Variants in RAB3C observed in about 807,000 individuals in gnomAD.
RAB3C encodes the protein ras-related protein Rab-3C.
In RAB3C, 17 loss-of-function variants were observed where a neutral mutation model predicts 26.4. The ratio of observed to expected loss-of-function variants is 0.64; its 90% confidence interval spans 0.44 to 0.97. The LOEUF (loss-of-function observed/expected upper bound fraction) is 0.97, where lower values mean the gene tolerates loss of function less well. Among genes scored for constraint, RAB3C ranks in the 50% least tolerant of loss-of-function variants. The pLI, the probability that RAB3C is intolerant of heterozygous loss-of-function variation, is 0.00. For missense variants in RAB3C, 242 were observed against 281.9 expected, an observed-to-expected ratio of 0.86 and a Z score of 1.01; for synonymous variants, 91 against 95.9, an observed-to-expected ratio of 0.95 and a Z score of 0.30.
intron 3 of RAB3C, among the ~76,000 whole-genome samples, chr5:58,807,834 A>C (rs1742977556): frequency 6.6e-6 from 1 of 152,174 alleles, no homozygotes; most frequent in Admixed American, 6.5e-5. Flanking sequence ...ATAAAAAAAA[A>C]AATTTAAGAA....
intron 3 of RAB3C, among the ~76,000 whole-genome samples, chr5:58,754,584 G>A (rs1036624356): frequency 1.3e-5 from 2 of 152,064 alleles, no homozygotes; most frequent in African/African-American, 4.8e-5. Flanking sequence ...CTGAAAGTGC[G>A]AATTACCCAG....
At position 58,716,046 on chromosome 5, in the gene RAB3C, GA is replaced by G. The variant is rs796718425; in HGVS notation, c.253-9948del. Among the ~76,000 whole-genome samples, 76 of 136,162 alleles carry G rather than the reference GA, an allele frequency of 5.6e-4. No homozygotes were observed. The South Asian group carries it at 9.1e-3, about 16-fold the overall frequency. 89.3% of individuals were successfully genotyped at this position (136,162 alleles called of 152,430 possible). A position where few individuals can be genotyped will look rare whatever the true frequency, so the allele number is the denominator to read the frequency against. ...AAGTACAATAAAAAAAAAAGAAAAG[GA>G]AAAAAAATAATAAATAAATAAATAC... On this transcript the variant is annotated intron_variant, in intron 2 of 4. Coordinates refer to ENST00000282878, the MANE Select transcript of RAB3C (RefSeq NM_138453.4).
At chr5:58,634,310 C>T (rs1189673044) in intron 2 of RAB3C, among the ~76,000 whole-genome samples, 1 of 152,122 alleles carries the variant, frequency 6.6e-6, no homozygotes, top group East Asian at 1.9e-4. Flanking sequence ...AATAAGATCA[C>T]TTGGGAGAAC....
At chr5:58,747,031 C>G (rs1032529309) in intron 3 of RAB3C, among the ~76,000 whole-genome samples, 1 of 152,184 alleles carries the variant, frequency 6.6e-6, no homozygotes, top group African/African-American at 2.4e-5. Flanking sequence ...TTTAAGTTCT[C>G]TCATTCCTCT....
intron 2 of RAB3C, among the ~76,000 whole-genome samples, chr5:58,692,358 G>A (rs1579860759): frequency 6.6e-6 from 1 of 151,682 alleles, no homozygotes; most frequent in Non-Finnish European, 1.5e-5. Flanking sequence ...ATAATGTTCA[G>A]AAAAAAAAGA....
rs57733643 is a variant in RAB3C, at chr5:58,851,738, T to TTGTGTGTGTGTG, written c.*404_*415dup. ...GTAGGAATGATGACCAAGGAATTGC[T>TTGTGTGTGTGTG]TGTGTGTGTGTGTGTGTGTGTGTGT... On this transcript the variant is annotated 3_prime_UTR_variant, in exon 5 of 5. Coordinates refer to ENST00000282878, the MANE Select transcript of RAB3C (RefSeq NM_138453.4). 6.6e-6 allele frequency: 1 copy of TTGTGTGTGTGTG among 152,416 alleles called. No homozygotes were observed. 9.4% of individuals were successfully genotyped at this position (152,416 alleles called of 1,614,324 possible).
chr5:58,746,663 G>C (rs895972999), intron 3 of RAB3C, among the ~76,000 whole-genome samples: 1 of 152,110 alleles, frequency 6.6e-6, no homozygotes, highest in African/African-American at 2.4e-5. Flanking sequence ...TTTATTTCAT[G>C]CTACTGCTGC....
chr5:58,792,839 G>T (rs1242970907), intron 3 of RAB3C, among the ~76,000 whole-genome samples: 1 of 151,642 alleles, frequency 6.6e-6, no homozygotes, highest in Non-Finnish European at 1.5e-5. Flanking sequence ...TTTAATAAAA[G>T]ATTTATATAT....
intron 3 of RAB3C, among the ~76,000 whole-genome samples, chr5:58,761,061 T>TCACACACACACACACACACACACA (rs769194224): frequency 1.7e-4 from 21 of 126,440 alleles, no homozygotes; most frequent in African/African-American, 5.7e-4. Flanking sequence ...TCTCTCTCTC[T>TCACACACACACACACACACACACA]CTCACACACA....
intron 3 of RAB3C, among the ~76,000 whole-genome samples, chr5:58,739,075 T>TTAAAGCCC (rs1201206799): frequency 6.6e-6 from 1 of 152,228 alleles, no homozygotes; most frequent in African/African-American, 2.4e-5. Flanking sequence ...TTATTCTGTT[T>TTAAAGCCC]AGAAAACAGA....
chr5:58,762,862 C>T (rs116009573), intron 3 of RAB3C, among the ~76,000 whole-genome samples: 2,124 of 152,002 alleles, frequency 0.014, 37 homozygotes, highest in African/African-American at 0.049. Context: ...AGATAATTTT[C>T]GGAAAAAGGT....
chr5:58,666,927 TA>T (rs1348291622), intron 2 of RAB3C, among the ~76,000 whole-genome samples: 1 of 152,194 alleles, frequency 6.6e-6, no homozygotes, highest in African/African-American at 2.4e-5. Flanking sequence ...AAATTTCTTT[TA>T]TTGCATCTGA....
At chr5:58,834,945 C>T (rs1389344970) in intron 4 of RAB3C, among the ~76,000 whole-genome samples, 1 of 152,172 alleles carries the variant, frequency 6.6e-6, no homozygotes, top group Non-Finnish European at 1.5e-5. Flanking sequence ...CAGAAACTGT[C>T]TGTTCCTTAT....
chr5:58,703,290 T>A (rs1016349729), intron 2 of RAB3C, among the ~76,000 whole-genome samples: 2 of 152,076 alleles, frequency 1.3e-5, no homozygotes, highest in Admixed American at 6.6e-5. Flanking sequence ...TCAAGCGATT[T>A]TCCTGCTTCA....
rs150682263 is a variant in RAB3C at position 58,812,264 on chromosome 5, T to A, written c.372-12774T>A. 3.6e-3 allele frequency among the ~76,000 whole-genome samples: 553 copies of A among 152,172 alleles called. 2 individuals carry two copies. The highest frequency in any genetic ancestry group is 0.013 in the African/African-American group (524 of 41,518). On this transcript the variant is annotated intron_variant, in intron 3 of 4. Transcript: ENST00000282878. ...TCATAAAAGGGGGTGGAAAGAGTTGTATAAGCCTTCACTCCCACCTCTCCA... is the reference window on the plus strand; with the variant it reads ...TCATAAAAGGGGGTGGAAAGAGTTGAATAAGCCTTCACTCCCACCTCTCCA...
At chr5:58,724,948 G>T (rs971854472) in intron 2 of RAB3C, among the ~76,000 whole-genome samples, 1 of 151,826 alleles carries the variant, frequency 6.6e-6, no homozygotes, top group African/African-American at 2.4e-5. Flanking sequence ...TGTCTTTTGG[G>T]CTTCATACTA....
chr5:58,719,251 T>C (rs566429439), intron 2 of RAB3C, among the ~76,000 whole-genome samples: 1 of 152,160 alleles, frequency 6.6e-6, no homozygotes, highest in East Asian at 1.9e-4. Context: ...AGATATCTAG[T>C]TTTTAAAGTA....
chr5:58,732,880 C>T (rs1251935220), intron 3 of RAB3C, among the ~76,000 whole-genome samples: 2 of 152,160 alleles, frequency 1.3e-5, no homozygotes, highest in Non-Finnish European at 1.5e-5. Context: ...TCTCATACCT[C>T]TGGGTCTCTC....
At chr5:58,814,444 A>G (rs1299054153) in intron 3 of RAB3C, among the ~76,000 whole-genome samples, 1 of 152,214 alleles carries the variant, frequency 6.6e-6, no homozygotes, top group Admixed American at 6.5e-5. Context: ...AGGGCAAGTA[A>G]GTACTGGGTT....
Sources: gnomAD v4.1 joint callset for allele counts (sites outside exome capture counted in the v4.1 genomes callset) on GRCh38, gnomAD v4.1.1 for gene constraint, MANE v1.5 for transcripts, NCBI Gene and HGNC (gene_info 2026-07-23, HGNC 2026-07-21) for gene names.